Variants in NBEA observed in about 807,000 individuals in gnomAD.
NBEA encodes the protein lysosomal-trafficking regulator 2.
A neutral mutation model predicts 343.4 loss-of-function variants in NBEA; 44 were observed. The ratio of observed to expected loss-of-function variants is 0.13; its 90% CI spans 0.10 to 0.16. The LOEUF (loss-of-function observed/expected upper bound fraction) is 0.16. Among genes scored for constraint, NBEA ranks in the 10% least tolerant of loss-of-function variants. The pLI is 1.00. For missense variants in NBEA, 2,555 were observed against 3,631.3 expected, an observed-to-expected ratio of 0.70 and a Z score of 7.62; for synonymous variants, 1,175 against 1,238.7, an observed-to-expected ratio of 0.95 and a Z score of 1.08.
intron 41 of NBEA, among the ~76,000 whole-genome samples, chr13:35,490,994 T>A (rs145310603): frequency 5.8e-4 from 88 of 152,066 alleles, no homozygotes; most frequent in African/African-American, 2.0e-3. Flanking sequence ...CATAGGGTTG[T>A]TGCACAGGTT....
intron 55 of NBEA, 102 bp from the exon 56 acceptor site, chr13:35,664,983 G>A: frequency 1.3e-6 from 1 of 771,202 alleles, no homozygotes; most frequent in Non-Finnish European, 2.2e-6. Flanking sequence ...TAATAATAAT[G>A]CCCTTAATAA....
intron 47 of NBEA, among the ~76,000 whole-genome samples, chr13:35,599,747 A>C (rs899835752): frequency 6.6e-6 from 1 of 152,228 alleles, no homozygotes; most frequent in African/African-American, 2.4e-5. Flanking sequence ...GGAGATGCCA[A>C]AGGGCTTGCT....
chr13:35,060,539 C>T (rs1473644460), intron 8 of NBEA, among the ~76,000 whole-genome samples: 5 of 151,718 alleles, frequency 3.3e-5, no homozygotes, highest in Non-Finnish European at 7.4e-5. Flanking sequence ...TAAATTTGGG[C>T]ATTACATCAG....
At chr13:35,669,138 A>G (rs11841720) in intron 58 of NBEA, among the ~76,000 whole-genome samples, 5,296 of 152,324 alleles carry the variant, frequency 0.035, 110 homozygotes, top group South Asian at 0.11. Flanking sequence ...TCAATTAATA[A>G]TGATTTTCCA....
intron 55 of NBEA, among the ~76,000 whole-genome samples, chr13:35,661,992 A>G (rs566542435): frequency 6.6e-6 from 1 of 152,164 alleles, no homozygotes. Context: ...CCTGCATATC[A>G]GTGTCCCACA....
chr13:35,044,850 A>ATG, intron 2 of NBEA, 97 bp from the exon 3 acceptor site: 1 of 660,594 alleles, frequency 1.5e-6, no homozygotes. Context: ...AGAGAGAGAG[A>ATG]GATAACAATG....
intron 10 of NBEA, among the ~76,000 whole-genome samples, chr13:35,089,827 G>A (rs1350863439): frequency 6.8e-6 from 1 of 147,320 alleles, no homozygotes; most frequent in Non-Finnish European, 1.5e-5. Context: ...ACCAAACACC[G>A]CATATTCTCA....
intron 17 of NBEA, among the ~76,000 whole-genome samples, chr13:35,133,712 A>G (rs1376330061): frequency 2.0e-5 from 3 of 152,052 alleles, no homozygotes; most frequent in Non-Finnish European, 2.9e-5. Context: ...TAATGATGCA[A>G]TTTATTTCAA....
intron 53 of NBEA, among the ~76,000 whole-genome samples, chr13:35,653,107 A>C (rs1593480308): frequency 6.6e-6 from 1 of 152,316 alleles, no homozygotes; most frequent in African/African-American, 2.4e-5. Context: ...CATTCAAAAT[A>C]TTTTTAAATA....
At chr13:35,146,796 G>A (rs201730672) in intron 18 of NBEA, among the ~76,000 whole-genome samples, 2 of 152,068 alleles carry the variant, frequency 1.3e-5, no homozygotes, top group Non-Finnish European at 2.9e-5. Context: ...TGCCATGCTA[G>A]GTCCTTTCAG....
intron 45 of NBEA, among the ~76,000 whole-genome samples, chr13:35,577,034 G>A (rs2153033671): frequency 6.6e-6 from 1 of 152,096 alleles, no homozygotes; most frequent in Admixed American, 6.5e-5. Context: ...GGATCCAAGT[G>A]CCCACCAGAA....
intron 36 of NBEA, among the ~76,000 whole-genome samples, chr13:35,334,834 G>A (rs1054912580): frequency 2.0e-5 from 3 of 151,992 alleles, no homozygotes; most frequent in African/African-American, 2.4e-5. Flanking sequence ...TGTTTCCTTC[G>A]TTGTGAAGAA....
chr13:34,945,631 C>T lies in NBEA; in HGVS notation c.294+2517C>T, dbSNP rs187150962. On this transcript the variant is annotated intron_variant, in intron 1 of 58. Coordinates refer to ENST00000379939, the MANE Select transcript of NBEA (RefSeq NM_001385012.1). The stretch of plus-strand genomic sequence containing the variant: ...AAATGTAAGGTGAAATAGTGAAATA[C>T]CTATTACTGTGCCCTGAATGACAGA... 4.6e-5 allele frequency among the ~76,000 whole-genome samples: 7 copies of T among 152,088 alleles called. No individual in the cohort carries two copies. The East Asian group carries it at 1.3e-3, about 29-fold the overall frequency.
chr13:35,484,272 GTGTATATATA>G (rs1052431527), intron 41 of NBEA, among the ~76,000 whole-genome samples: 1 of 114,924 alleles, frequency 8.7e-6, no homozygotes, highest in African/African-American at 3.4e-5. Flanking sequence ...GTGTGTGTGT[GTGTATATATA>G]TATATATATA....
At chr13:35,540,838 G>C (rs998376182) in intron 41 of NBEA, among the ~76,000 whole-genome samples, 2 of 152,104 alleles carry the variant, frequency 1.3e-5, no homozygotes, top group Admixed American at 1.3e-4. Flanking sequence ...GATGCTATTG[G>C]AGAAATACAA....
intron 1 of NBEA, among the ~76,000 whole-genome samples, chr13:34,990,972 G>A (rs1398126854): frequency 2.6e-5 from 4 of 152,160 alleles, no homozygotes; most frequent in African/African-American, 9.7e-5. Context: ...GGTGCAGAAT[G>A]CCTTCAGCCT....
chr13:35,251,538 C>T lies in NBEA; in HGVS notation c.5776+18919C>T, dbSNP rs192753318. 3.5e-5 allele frequency: 40 copies of T among 1,155,358 alleles called. No individual in the cohort carries two copies. The East Asian group carries it at 2.6e-3, about 76-fold the overall frequency. The allele number at this position is 1,155,358 out of a possible 1,614,324, so 71.6% of individuals were successfully genotyped here. ...CCACCTCTGGGCTCATCCTGGACGTCATGTCCTTGATGCATGTGACCTTCA... is the reference window on the plus strand; with the variant it reads ...CCACCTCTGGGCTCATCCTGGACGTTATGTCCTTGATGCATGTGACCTTCA... On this transcript the variant is annotated intron_variant, in intron 34 of 58. Coordinates refer to ENST00000379939, the MANE Select transcript of NBEA (RefSeq NM_001385012.1).
intron 38 of NBEA, among the ~76,000 whole-genome samples, chr13:35,409,130 G>GGTAATA (rs2043437827): frequency 6.6e-6 from 1 of 152,036 alleles, no homozygotes; most frequent in African/African-American, 2.4e-5. Context: ...TAAAGAAAAT[G>GGTAATA]TGGTACATAT....
At chr13:35,279,035 C>G (rs984377428) in intron 34 of NBEA, among the ~76,000 whole-genome samples, 5 of 152,028 alleles carry the variant, frequency 3.3e-5, no homozygotes, top group Admixed American at 2.6e-4. Context: ...GCTCACAGGC[C>G]ATATAAAACA....
Sources: allele counts gnomAD v4.1 joint callset (sites outside exome capture counted in the v4.1 genomes callset), GRCh38; gene constraint gnomAD v4.1.1; transcripts MANE v1.5; gene names NCBI Gene and HGNC (gene_info 2026-07-23, HGNC 2026-07-21).